The following CSMD1 variants were observed in gnomAD, a reference collection of about 807,000 sequenced individuals.
The protein encoded by CSMD1 is CUB and Sushi multiple domains 1, also known as CUB and sushi domain-containing protein 1.
A neutral mutation model predicts 417.5 loss-of-function variants in CSMD1; 213 were observed. That is an observed-to-expected ratio of 0.51 (90% confidence interval 0.46 to 0.57). The LOEUF (loss-of-function observed/expected upper bound fraction) is 0.57. Among genes scored for constraint, CSMD1 ranks in the 20% least tolerant of loss-of-function variants. The probability of loss-of-function intolerance (pLI) is 0.00; values close to 1 mark genes in which losing one functional copy is unlikely to be tolerated. For missense variants in CSMD1, 6,923 were observed against 4,529.7 expected, an observed-to-expected ratio of 1.53 and a Z score of -15.17; for synonymous variants, 2,862 against 1,736.8, an observed-to-expected ratio of 1.65 and a Z score of -16.11.
chr8:3,280,114 A>G lies in CSMD1; in HGVS notation c.4153+4030T>C, dbSNP rs1368771831. The stretch of plus-strand genomic sequence containing the variant: ...AGGTACTAGGCCTCTGTGCCCTGAC[A>G]TGCCCTCCTGCCCCATCTCTTCACC... On this transcript the variant is annotated intron_variant, in intron 26 of 69. Coordinates refer to ENST00000635120, the MANE Select transcript of CSMD1 (RefSeq NM_033225.6). 3.9e-5 allele frequency among the ~76,000 whole-genome samples: 6 copies of G among 152,110 alleles called. 1 individual carries two copies. Among genetic ancestry groups the G allele is most frequent in the Non-Finnish European group, 7.4e-5 (5 of 68,022 alleles).
chr8:3,008,660 C>A (rs1016164511), intron 52 of CSMD1, among the ~76,000 whole-genome samples: 1 of 152,132 alleles, frequency 6.6e-6, no homozygotes, highest in Non-Finnish European at 1.5e-5. Flanking sequence ...TTCTGGAAAG[C>A]GGTTCTACAA....
At chr8:3,613,668 C>A (rs979283759) in intron 8 of CSMD1, among the ~76,000 whole-genome samples, 5 of 150,230 alleles carry the variant, frequency 3.3e-5, no homozygotes, top group African/African-American at 1.2e-4. Flanking sequence ...GATGTAGAAA[C>A]TTTTGAAAAA....
chr8:3,333,119 G>C (rs375737286), intron 23 of CSMD1, among the ~76,000 whole-genome samples: 5 of 152,162 alleles, frequency 3.3e-5, no homozygotes, highest in African/African-American at 7.2e-5. Flanking sequence ...GGGAGTCTCA[G>C]TCTGACCACT....
chr8:4,714,886 A>G (rs941480338), intron 1 of CSMD1, among the ~76,000 whole-genome samples: 2 of 152,216 alleles, frequency 1.3e-5, no homozygotes, highest in African/African-American at 4.8e-5. Context: ...ATACCTTTAG[A>G]ATAATTGTAT....
chr8:3,052,238 CTA>C (rs1811866649), intron 50 of CSMD1, among the ~76,000 whole-genome samples: 3 of 152,244 alleles, frequency 2.0e-5, no homozygotes, highest in African/African-American at 7.2e-5. Context: ...TCTATACTGT[CTA>C]TATTTAGGAT....
intron 3 of CSMD1, among the ~76,000 whole-genome samples, chr8:4,195,412 G>A (rs565101956): frequency 2.6e-5 from 4 of 152,104 alleles, no homozygotes; most frequent in Admixed American, 1.3e-4. Flanking sequence ...TTGACCCACC[G>A]ATGCAAGACT....
At chr8:4,129,746 A>AT (rs1320014543) in intron 3 of CSMD1, among the ~76,000 whole-genome samples, 2 of 152,042 alleles carry the variant, frequency 1.3e-5, no homozygotes, top group African/African-American at 4.8e-5. Context: ...TTCAATCTGG[A>AT]AATAACCATC....
chr8:4,407,454 GTA>G (rs558418790), intron 3 of CSMD1, among the ~76,000 whole-genome samples: 41 of 152,256 alleles, frequency 2.7e-4, no homozygotes, highest in Middle Eastern at 3.4e-3. Context: ...TAAATCAAAA[GTA>G]TGTTGTAAAA....
intron 3 of CSMD1, among the ~76,000 whole-genome samples, chr8:4,383,743 A>T (rs1431465052): frequency 7.5e-6 from 1 of 132,482 alleles, no homozygotes; most frequent in African/African-American, 2.6e-5. Flanking sequence ...ATGTGCAGAT[A>T]AAAAAAATTT....
In CSMD1 at chr8:3,308,519, G is replaced by A. The variant is rs62504429; in HGVS notation, c.3632-16C>T. ...AGATCAAAACCTGCAAGAGAGAAAG[G>A]CAAGGAATGAACAGAACTCAAGGGT... On this transcript the variant is annotated splice_polypyrimidine_tract_variant and intron_variant, in intron 23 of 69. Transcript: ENST00000635120. The A allele has an allele frequency of 2.7e-3, 4,244 of 1,600,204 alleles. 7 individuals carry two copies. Among genetic ancestry groups the A allele is most frequent in the Non-Finnish European group, 3.4e-3 (3,923 of 1,169,884 alleles).
rs113433865 is a variant in CSMD1 at position 4,277,635 on chromosome 8, T to C, written c.415+142318A>G. 4.8e-3 allele frequency among the ~76,000 whole-genome samples: 724 copies of C among 152,330 alleles called. 4 individuals are homozygous for C. The highest frequency in any genetic ancestry group is 0.016 in the African/African-American group (666 of 41,576). On this transcript the variant is annotated intron_variant, in intron 3 of 69. Coordinates refer to ENST00000635120, the MANE Select transcript of CSMD1 (RefSeq NM_033225.6). ...CTCATACTTCCCTTTCTCACAAGGA[T>C]ATGCAGAAACAACCTGTTTGTATCA...
chr8:3,437,953 C>A (rs917321205), intron 12 of CSMD1, among the ~76,000 whole-genome samples: 1 of 152,016 alleles, frequency 6.6e-6, no homozygotes, highest in Non-Finnish European at 1.5e-5. Flanking sequence ...GTTGGCCAGG[C>A]TCATCTCGAA....
intron 2 of CSMD1, among the ~76,000 whole-genome samples, chr8:4,503,378 C>T (rs1162291100): frequency 6.6e-6 from 1 of 152,078 alleles, no homozygotes; most frequent in African/African-American, 2.4e-5. Flanking sequence ...TCAACTTTTG[C>T]TCAACTGTTT....
chr8:3,304,924 A>AAGTC (rs1314752962), intron 25 of CSMD1, among the ~76,000 whole-genome samples: 1 of 152,132 alleles, frequency 6.6e-6, no homozygotes. Context: ...TTTTTATATA[A>AAGTC]AGTCATTCCA....
Position 3,935,823 on chromosome 8 carries a change from G to C in CSMD1, c.818+62080C>G, listed in dbSNP as rs1164312149. On this transcript the variant is annotated intron_variant, in intron 5 of 69. Coordinates refer to ENST00000635120, the MANE Select transcript of CSMD1 (RefSeq NM_033225.6). ...TTTATGTGCTCAAGTGAAAGGAAGA[G>C]TCACATGTCTCTATCACTTTAAATC... Among the ~76,000 whole-genome samples the C allele has an allele frequency of 3.3e-5, 5 of 152,236 alleles. No individual in the cohort carries two copies. In the East Asian group the frequency reaches 7.7e-4, roughly 24 times the overall value.
intron 2 of CSMD1, among the ~76,000 whole-genome samples, chr8:4,630,931 G>A (rs1195211898): frequency 1.3e-5 from 2 of 152,222 alleles, no homozygotes; most frequent in African/African-American, 4.8e-5. Context: ...CTGACTGCAC[G>A]GCTGCCCCAG....
At chr8:3,742,952 G>C (rs374982330) in intron 6 of CSMD1, among the ~76,000 whole-genome samples, 2 of 152,132 alleles carry the variant, frequency 1.3e-5, no homozygotes, top group Non-Finnish European at 2.9e-5. Context: ...TTCTTGACAG[G>C]ATACCACGAG....
chr8:3,090,316 C>T (rs1286140605), intron 48 of CSMD1, among the ~76,000 whole-genome samples: 20 of 79,778 alleles, frequency 2.5e-4, no homozygotes, highest in Non-Finnish European at 3.0e-4. Flanking sequence ...GACTGTATTT[C>T]AAAAAAAAAA....
chr8:3,818,291 G>A (rs371025501), intron 5 of CSMD1, among the ~76,000 whole-genome samples: 1 of 152,168 alleles, frequency 6.6e-6, no homozygotes, highest in East Asian at 1.9e-4. Flanking sequence ...GCCACAGGGT[G>A]TAGTGGGAGA....
Sources: allele counts gnomAD v4.1 joint callset (sites outside exome capture counted in the v4.1 genomes callset), GRCh38; gene constraint gnomAD v4.1.1; transcripts MANE v1.5; gene names NCBI Gene and HGNC (gene_info 2026-07-23, HGNC 2026-07-21).